PITPNM2: variants seen among roughly 807,000 people sequenced by gnomAD.
PITPNM2 encodes the protein phosphatidylinositol transfer protein membrane associated 2.
A neutral mutation model predicts 132.2 loss-of-function variants in PITPNM2; 35 were observed. The observed-to-expected ratio is 0.26, with a 90% CI of 0.20 to 0.35. The LOEUF (loss-of-function observed/expected upper bound fraction) is 0.35, where lower values mean the gene tolerates loss of function less well. PITPNM2 is among the 10% of genes least tolerant of loss of function. PITPNM2 has a pLI of 1.00. For missense variants in PITPNM2, 1,332 were observed against 1,912.0 expected (o/e 0.70, Z 5.66); for synonymous variants, 738 against 799.2 (o/e 0.92, Z 1.29).
intron 1 of PITPNM2, among the ~76,000 whole-genome samples, chr12:123,124,085 C>T (rs11831067): frequency 0.095 from 14,431 of 151,928 alleles, 2,276 homozygotes; most frequent in African/African-American, 0.33. Context: ...GAAACCCTAT[C>T]TCTACTAAAA....
chr12:123,112,485 AG>A (rs1212444140), intron 1 of PITPNM2, among the ~76,000 whole-genome samples: 1 of 152,134 alleles, frequency 6.6e-6, no homozygotes, highest in African/African-American at 2.4e-5. Context: ...GCTGTTTCCC[AG>A]GAACAAATGT....
Position 122,996,769 on chromosome 12 carries a change from G to A in PITPNM2, c.1614C>T (p.Ala538=). Residue 538 remains alanine (A), a synonymous_variant, in exon 12 of 26, where the codon GCC becomes GCT. Coordinates refer to ENST00000320201, the MANE Select transcript of PITPNM2 (RefSeq NM_020845.3). ...VATVIQRANL[A]YGDFIKSQEG... ...CCTGGGACTTGATGAAGTCCCCATAGGCAAGGTTGGCTCGCTGAATCACTG... is the reference window on the plus strand; with the variant it reads ...CCTGGGACTTGATGAAGTCCCCATAAGCAAGGTTGGCTCGCTGAATCACTG... 4 of 1,611,810 alleles carry A rather than the reference G, an allele frequency of 2.5e-6. No individual in the cohort carries two copies. The highest frequency in any genetic ancestry group is 2.5e-6 in the Non-Finnish European group (3 of 1,179,446).
Position 123,023,520 on chromosome 12 carries a change from G to A in PITPNM2, c.79-9478C>T, listed in dbSNP as rs1295676498. On this transcript the variant is annotated intron_variant, in intron 3 of 25. Coordinates refer to ENST00000320201, the MANE Select transcript of PITPNM2 (RefSeq NM_020845.3). This position sits in a 1 kb window ranked among gnomAD's most constrained non-coding sequence, Gnocchi z 4.8. Reference sequence around the variant, plus strand: ...CAACATGTTTGGGCCACAAGCTGGAGGGTTAGAGGTAGCTGGCGAGGCAGA... The same window carrying A: ...CAACATGTTTGGGCCACAAGCTGGAAGGTTAGAGGTAGCTGGCGAGGCAGA... Among the ~76,000 whole-genome samples the A allele has an allele frequency of 6.6e-6, 1 of 152,166 alleles. No homozygotes were observed. Among genetic ancestry groups the A allele is most frequent in the Non-Finnish European group, 1.5e-5 (1 of 68,038 alleles).
rs1370118827 is a variant in PITPNM2 at position 122,993,000 on chromosome 12, T to C, written c.2234-331A>G. ...ACCACCACACCTGGCTTTTTTATTT[T>C]ATTTTTTGTAGAGATGGGGTCTTAC... On this transcript the variant is annotated intron_variant, in intron 15 of 25. Transcript: ENST00000320201. The surrounding 1 kb of genome is among the most constrained non-coding windows in gnomAD (Gnocchi z 6.5). Among the ~76,000 whole-genome samples the C allele has an allele frequency of 6.6e-6, 1 of 152,056 alleles. No homozygotes were observed. Among genetic ancestry groups the C allele is most frequent in the African/African-American group, 2.4e-5 (1 of 41,378 alleles).
In PITPNM2 at chr12:122,985,724, T is replaced by G. The variant is rs1566225926; in HGVS notation, c.*303A>C. 3.4e-6 allele frequency: 1 copy of G among 298,058 alleles called. No individual in the cohort carries two copies. The highest frequency in any genetic ancestry group is 6.1e-6 in the Non-Finnish European group (1 of 164,170). The allele number at this position is 298,058 out of a possible 1,614,324, so 18.5% of individuals were successfully genotyped here. On this transcript the variant is annotated 3_prime_UTR_variant, in exon 26 of 26. Transcript: ENST00000320201. ...GGCCCACACCTGGCACCAGGACACT[T>G]GGAGATCCACACAGGGCAAAATGTC...
intron 1 of PITPNM2, among the ~76,000 whole-genome samples, chr12:123,118,559 A>T (rs2137414045): frequency 6.6e-6 from 1 of 152,344 alleles, no homozygotes. Context: ...AATAGTGGAA[A>T]ACATTAGTTC....
intron 8 of PITPNM2, among the ~76,000 whole-genome samples, chr12:123,002,653 A>T (rs1187388075): frequency 6.6e-6 from 1 of 152,198 alleles, no homozygotes; most frequent in Non-Finnish European, 1.5e-5. Context: ...CCTGGGCTTA[A>T]GCGATCCCAA....
chr12:123,133,791 A>AACACAC (rs536799715), intron 1 of PITPNM2, among the ~76,000 whole-genome samples: 4,786 of 89,812 alleles, frequency 0.053, 256 homozygotes, highest in African/African-American at 0.13. Flanking sequence ...ATTATTAATG[A>AACACAC]ACACACACAC....
intron 10 of PITPNM2, among the ~76,000 whole-genome samples, chr12:122,998,129 C>T (rs530544341): frequency 2.6e-5 from 4 of 152,232 alleles, no homozygotes; most frequent in Non-Finnish European, 5.9e-5. Flanking sequence ...ACTCTGCCTG[C>T]AGCTCCAAGC....
At position 123,022,960 on chromosome 12, in the gene PITPNM2, G is replaced by C. The variant is rs191555153; in HGVS notation, c.79-8918C>G. Among the ~76,000 whole-genome samples, 1 of 152,218 alleles carries C rather than the reference G, an allele frequency of 6.6e-6. No individual in the cohort carries two copies. Among genetic ancestry groups the C allele is most frequent in the Non-Finnish European group, 1.5e-5 (1 of 68,038 alleles). ...GAGCCCCGCTGGGACCAAGCAAGGC[G>C]GGCTGTGCTCTGCTTGTTCTCCCAG... is the stretch of plus-strand genomic sequence containing the variant. On this transcript the variant is annotated intron_variant, in intron 3 of 25. Transcript: ENST00000320201. This position sits in a 1 kb window ranked among gnomAD's most constrained non-coding sequence, Gnocchi z 4.9.
chr12:122,991,276 T>C (rs2038173535), intron 16 of PITPNM2, among the ~76,000 whole-genome samples: 1 of 152,164 alleles, frequency 6.6e-6, no homozygotes. Context: ...AGGCGCAGGC[T>C]GAAGACAGGA....
chr12:123,066,907 C>A (rs1413482357), intron 2 of PITPNM2, among the ~76,000 whole-genome samples: 1 of 152,094 alleles, frequency 6.6e-6, no homozygotes, highest in Non-Finnish European at 1.5e-5. Flanking sequence ...TCCTGGGACC[C>A]GCTGCCAGGC....
At chr12:123,094,266 C>T (rs2042347339) in intron 2 of PITPNM2, among the ~76,000 whole-genome samples, 3 of 152,218 alleles carry the variant, frequency 2.0e-5, no homozygotes, top group Admixed American at 2.0e-4. Context: ...GGTCTGCCAG[C>T]CAGAGGAATG....
rs1566229139 is a variant in PITPNM2, at chr12:122,988,353, G to A, written c.2881-3C>T. ...CTGGAGTTGTCATGCCTCATGACCT[G>A]GGAAGAGGGGACAGTGCAGGCTGTG... On this transcript the variant is annotated splice_polypyrimidine_tract_variant and splice_region_variant and intron_variant, in intron 19 of 25. Coordinates refer to ENST00000320201, the MANE Select transcript of PITPNM2 (RefSeq NM_020845.3). The A allele has an allele frequency of 6.2e-7, 1 of 1,611,720 alleles. No individual in the cohort carries two copies. The highest frequency in any genetic ancestry group is 1.1e-5 in the South Asian group (1 of 91,056).
chr12:123,033,242 A>T lies in PITPNM2; in HGVS notation c.78+1271T>A, dbSNP rs138098824. On this transcript the variant is annotated intron_variant, in intron 3 of 25. Coordinates refer to ENST00000320201, the MANE Select transcript of PITPNM2 (RefSeq NM_020845.3). ...AGAGCCAGGCTGACAGCAGGTTCAT[A>T]ATCAGTGTGGGAAGCCCGAAGACCC... Among the ~76,000 whole-genome samples the T allele has an allele frequency of 2.9e-3, 449 of 152,332 alleles. 2 individuals carry two copies. The highest frequency in any genetic ancestry group is 0.01 in the African/African-American group (430 of 41,582).
At chr12:123,040,851 T>TA (rs1050789622) in intron 2 of PITPNM2, among the ~76,000 whole-genome samples, 2 of 152,214 alleles carry the variant, frequency 1.3e-5, no homozygotes, top group Admixed American at 6.5e-5. Context: ...GATACTTTTT[T>TA]AAAAAAAGAT....
chr12:123,023,728 G>A lies in PITPNM2; in HGVS notation c.79-9686C>T, dbSNP rs534187248. Among the ~76,000 whole-genome samples the A allele has an allele frequency of 2.6e-4, 40 of 152,198 alleles. No individual in the cohort carries two copies. The South Asian group carries it at 7.1e-3, about 27-fold the overall frequency. ...GTCCTATGAACTTGAACTGGCAATC[G>A]TTTTGGAGCCATGACACCAAAAGCA... On this transcript the variant is annotated intron_variant, in intron 3 of 25. Transcript: ENST00000320201. The surrounding 1 kb of genome is among the most constrained non-coding windows in gnomAD (Gnocchi z 4.8).
In PITPNM2 at chr12:123,008,383, G is replaced by A. The variant is rs1042114093; in HGVS notation, c.643+1467C>T. Among the ~76,000 whole-genome samples the A allele has an allele frequency of 2.0e-5, 3 of 152,192 alleles. No homozygotes were observed. Among genetic ancestry groups the A allele is most frequent in the African/African-American group, 4.8e-5 (2 of 41,450 alleles). ...GGAGAGGGTGGGACGAGTCACCAGCGCTGATGTGTTCAGGTTCCTGGAGGT... is the reference window on the plus strand; with the variant it reads ...GGAGAGGGTGGGACGAGTCACCAGCACTGATGTGTTCAGGTTCCTGGAGGT... On this transcript the variant is annotated intron_variant, in intron 6 of 25. Transcript: ENST00000320201. The surrounding 1 kb of genome is among the most constrained non-coding windows in gnomAD (Gnocchi z 4.1).
Position 122,995,036 on chromosome 12 carries a change from C to T in PITPNM2, c.2055-57G>A, listed in dbSNP as rs547040089. On this transcript the variant is annotated intron_variant, in intron 14 of 25. Coordinates refer to ENST00000320201, the MANE Select transcript of PITPNM2 (RefSeq NM_020845.3). The stretch of plus-strand genomic sequence containing the variant: ...TGGGTGCAGCTGCCATCATCTGCCA[C>T]GACACTGCTGGTGGCAGCAGGTCCC... 4.6e-5 allele frequency: 68 copies of T among 1,494,346 alleles called. 2 individuals carry two copies. In the Middle Eastern group the frequency reaches 4.4e-3, roughly 97 times the overall value. 92.6% of individuals were successfully genotyped at this position (1,494,346 alleles called of 1,614,324 possible).
Sources: gnomAD v4.1 joint callset for allele counts (sites outside exome capture counted in the v4.1 genomes callset) on GRCh38, gnomAD v4.1.1 for gene constraint, Gnocchi (gnomAD v3.1) non-coding constraint, MANE v1.5 for transcripts, NCBI Gene and HGNC (gene_info 2026-07-23, HGNC 2026-07-21) for gene names.